VPS13B: variants seen among roughly 807,000 people sequenced by gnomAD.
VPS13B encodes vacuolar protein sorting 13 homolog B.
A neutral mutation model predicts 426.4 loss-of-function variants in VPS13B; 285 were observed. The ratio of observed to expected loss-of-function variants is 0.67; its 90% CI spans 0.61 to 0.74. The LOEUF is 0.74. Ranked by LOEUF, VPS13B falls within the 30% of genes least tolerant of loss-of-function variation. The pLI, the probability that VPS13B is intolerant of heterozygous loss-of-function variation, is 0.00. For synonymous variants in VPS13B, 1,676 were observed against 1,676.4 expected (o/e 1.00, Z 0.01); for missense variants, 4,537 against 4,782.6 (o/e 0.95, Z 1.51).
chr8:99,622,707 C>T (rs533338046), intron 33 of VPS13B, among the ~76,000 whole-genome samples: 1 of 152,314 alleles, frequency 6.6e-6, no homozygotes, highest in Admixed American at 6.5e-5. Flanking sequence ...TTTCTCCAAT[C>T]CTACCGCATC....
intron 35 of VPS13B, among the ~76,000 whole-genome samples, chr8:99,692,617 C>CA (rs1443811237): frequency 7.6e-6 from 1 of 131,112 alleles, no homozygotes; most frequent in African/African-American, 3.0e-5. Flanking sequence ...GACACCCTAA[C>CA]ATCACAATTA....
chr8:99,019,714 T>G (rs1240174548), intron 2 of VPS13B, among the ~76,000 whole-genome samples: 1 of 152,242 alleles, frequency 6.6e-6, no homozygotes, highest in Non-Finnish European at 1.5e-5. Context: ...TTTTAAGTAC[T>G]TCATATAAGT....
In VPS13B at chr8:99,193,049, T is replaced by G. The variant is rs767247559; in HGVS notation, c.2507T>G (p.Leu836Arg). 1 of 1,613,448 alleles carries G rather than the reference T, an allele frequency of 6.2e-7. No homozygotes were observed. The highest frequency in any genetic ancestry group is 8.5e-7 in the Non-Finnish European group (1 of 1,179,762). Residue 836 changes from leucine to arginine, a missense_variant, in exon 17 of 62, where the codon CTA becomes CGA. By Grantham distance (102) the Leu-to-Arg change is moderately radical. Transcript: ENST00000357162. Reference protein sequence around the residue: ...VIEALINEIFLSIGVKSKNPL... With the variant: ...VIEALINEIFRSIGVKSKNPL... ...GAAGCTTTGATAAATGAAATCTTCC[T>G]AAGTATAGGTAAGAGCACAGTCTTT... is the stretch of plus-strand genomic sequence containing the variant.
intron 7 of VPS13B, among the ~76,000 whole-genome samples, chr8:99,118,438 A>G (rs764249625): frequency 1.3e-5 from 2 of 152,138 alleles, no homozygotes; most frequent in East Asian, 3.8e-4. Context: ...GTAAAATTCA[A>G]TGAGTTTGAG....
chr8:99,375,920 AG>A (rs1240806717), intron 19 of VPS13B, among the ~76,000 whole-genome samples: 2 of 152,224 alleles, frequency 1.3e-5, no homozygotes, highest in Non-Finnish European at 2.9e-5. Flanking sequence ...GATATATTAT[AG>A]GACAGTCTCA....
chr8:99,840,366 T>C (rs2130879530), intron 54 of VPS13B, among the ~76,000 whole-genome samples: 1 of 152,392 alleles, frequency 6.6e-6, no homozygotes, highest in Admixed American at 6.5e-5. Context: ...CTTGTTGATA[T>C]TGGCCTAGTC....
intron 39 of VPS13B, among the ~76,000 whole-genome samples, chr8:99,733,203 T>C (rs528099517): frequency 6.6e-6 from 1 of 152,304 alleles, no homozygotes; most frequent in South Asian, 2.1e-4. Flanking sequence ...ATAAAAACCA[T>C]TATCCATTAA....
intron 19 of VPS13B, among the ~76,000 whole-genome samples, chr8:99,326,452 C>CATTTTTTTTTTT (rs1810266622): frequency 3.1e-5 from 1 of 32,518 alleles, no homozygotes; most frequent in Non-Finnish European, 5.2e-5. Flanking sequence ...CTCTAGGTAG[C>CATTTTTTTTTTT]TTTTTTTTTT....
At chr8:99,281,242 G>A (rs1819154103) in intron 19 of VPS13B, among the ~76,000 whole-genome samples, 1 of 152,216 alleles carries the variant, frequency 6.6e-6, no homozygotes, top group Admixed American at 6.5e-5. Context: ...ATTCTTGCTT[G>A]CCTGCCCACT....
intron 41 of VPS13B, among the ~76,000 whole-genome samples, chr8:99,777,883 T>G (rs529864619): frequency 6.6e-6 from 1 of 152,288 alleles, no homozygotes; most frequent in South Asian, 2.1e-4. Context: ...TTGACTCATA[T>G]ATTAGGTTTT....
intron 17 of VPS13B, among the ~76,000 whole-genome samples, chr8:99,224,334 A>C (rs1181690436): frequency 1.3e-5 from 2 of 152,182 alleles, no homozygotes; most frequent in African/African-American, 2.4e-5. Context: ...TTACTTTCTA[A>C]GCATTTTTAT....
intron 58 of VPS13B, among the ~76,000 whole-genome samples, chr8:99,864,045 CA>C (rs1816970084): frequency 6.6e-6 from 1 of 152,162 alleles, no homozygotes; most frequent in South Asian, 2.1e-4. Context: ...TCCTTTGTTT[CA>C]TGTACTCTTT....
chr8:99,674,681 A>G (rs989199454), intron 35 of VPS13B, among the ~76,000 whole-genome samples: 2 of 151,910 alleles, frequency 1.3e-5, no homozygotes, highest in African/African-American at 4.8e-5. Flanking sequence ...TTTGTGGTTA[A>G]GTAAGTTTTC....
At chr8:99,576,254 A>G (rs1825769178) in intron 32 of VPS13B, among the ~76,000 whole-genome samples, 1 of 152,198 alleles carries the variant, frequency 6.6e-6, no homozygotes, top group African/African-American at 2.4e-5. Flanking sequence ...AATTGCATTC[A>G]TACTATTTAA....
At chr8:99,357,587 G>C (rs1812247352) in intron 19 of VPS13B, among the ~76,000 whole-genome samples, 1 of 152,204 alleles carries the variant, frequency 6.6e-6, no homozygotes, top group East Asian at 1.9e-4. Context: ...TATTCCAAAA[G>C]GAAATAATTG....
At chr8:99,456,180 T>C (rs1490086784) in intron 23 of VPS13B, among the ~76,000 whole-genome samples, 2 of 152,116 alleles carry the variant, frequency 1.3e-5, no homozygotes, top group Admixed American at 6.5e-5. Context: ...AATTTATTTA[T>C]TTTTTTGAGG....
At chr8:99,123,158 A>C in intron 8 of VPS13B, among the ~76,000 whole-genome samples, 1 of 151,690 alleles carries the variant, frequency 6.6e-6, no homozygotes, top group East Asian at 1.9e-4. Context: ...AAGAAAGAAA[A>C]ATCAAGTGGG....
intron 44 of VPS13B, among the ~76,000 whole-genome samples, chr8:99,815,783 C>T (rs1298052228): frequency 1.3e-5 from 2 of 152,158 alleles, no homozygotes; most frequent in African/African-American, 2.4e-5. Context: ...GAATTCACCA[C>T]CGTATTAAAT....
intron 27 of VPS13B, among the ~76,000 whole-genome samples, chr8:99,504,871 A>G (rs555821601): frequency 6.6e-6 from 1 of 152,302 alleles, no homozygotes; most frequent in South Asian, 2.1e-4. Context: ...CTGAGATGGC[A>G]TCTTCTTCCA....
Sources: allele counts gnomAD v4.1 joint callset (sites outside exome capture counted in the v4.1 genomes callset), GRCh38; gene constraint gnomAD v4.1.1; transcripts MANE v1.5; gene names NCBI Gene and HGNC (gene_info 2026-07-23, HGNC 2026-07-21).